Variants in GUCY1A2 observed in about 807,000 individuals in gnomAD.
GUCY1A2 encodes the protein guanylate cyclase 1 soluble subunit alpha 2.
In GUCY1A2, 27 loss-of-function variants were observed where a neutral mutation model predicts 63.5. The observed-to-expected ratio is 0.43, with a 90% CI of 0.31 to 0.59. The LOEUF is 0.59. Among genes scored for constraint, GUCY1A2 ranks in the 20% least tolerant of loss-of-function variants. The pLI is 0.11. For missense variants in GUCY1A2, 768 were observed against 913.3 expected, an observed-to-expected ratio of 0.84 and a Z score of 2.05; for synonymous variants, 364 against 343.5, an observed-to-expected ratio of 1.06 and a Z score of -0.66.
At chr11:106,923,358 G>T (rs1212219822) in intron 4 of GUCY1A2, among the ~76,000 whole-genome samples, 1 of 152,110 alleles carries the variant, frequency 6.6e-6, no homozygotes, top group East Asian at 1.9e-4. Flanking sequence ...CTAAACACTT[G>T]CTGTATGCAA....
At position 106,992,521 on chromosome 11, in the gene GUCY1A2, G is replaced by A. The variant is rs528700070; in HGVS notation, c.304-6390C>T. 5.3e-5 allele frequency among the ~76,000 whole-genome samples: 8 copies of A among 151,650 alleles called. No individual in the cohort carries two copies. In the South Asian group the frequency reaches 1.0e-3, roughly 20 times the overall value. On this transcript the variant is annotated intron_variant, in intron 1 of 7. Transcript: ENST00000526355. Reference sequence around the variant, plus strand: ...ATTTTTTTGTATTTTTAGTACAGACGGGGTTTCACCATGTTGGCCAGGATG... The same window carrying A: ...ATTTTTTTGTATTTTTAGTACAGACAGGGTTTCACCATGTTGGCCAGGATG...
chr11:106,715,759 C>T (rs1863202732), intron 6 of GUCY1A2, among the ~76,000 whole-genome samples: 1 of 152,126 alleles, frequency 6.6e-6, no homozygotes, highest in African/African-American at 2.4e-5. Context: ...TATTGATTGC[C>T]TCATCTAAAA....
intron 4 of GUCY1A2, among the ~76,000 whole-genome samples, chr11:106,817,061 T>C (rs1397258872): frequency 2.0e-5 from 3 of 151,988 alleles, no homozygotes; most frequent in Admixed American, 1.3e-4. Flanking sequence ...TTCCAGAAAA[T>C]AAAAGGGGAA....
At chr11:106,818,952 AG>A (rs1390317491) in intron 4 of GUCY1A2, among the ~76,000 whole-genome samples, 33 of 152,262 alleles carry the variant, frequency 2.2e-4, no homozygotes, top group African/African-American at 7.9e-4. Context: ...TGAAGGTAGC[AG>A]AGGATGGTTC....
Position 107,017,882 on chromosome 11 carries a change from G to A in GUCY1A2, c.174C>T (p.Ala58=), listed in dbSNP as rs3107973. 0.35 allele frequency: 439,942 copies of A among 1,249,090 alleles called. 80,250 individuals are homozygous for A. The highest frequency in any genetic ancestry group is 0.41 in the South Asian group (10,956 of 26,870). 77.4% of individuals were successfully genotyped at this position (1,249,090 alleles called of 1,614,324 possible). The change falls in exon 1 of 8, where the codon GCC becomes GCT. Residue 58 remains alanine (A), a synonymous_variant. Coordinates refer to ENST00000526355, the MANE Select transcript of GUCY1A2 (RefSeq NM_000855.3). The part of the protein sequence containing the change: ...PSPAAAAAAA[A]PAPTPAASAA... ...CAGAAGCAGCCGGGGTCGGGGCCGG[G>A]GCGGCGGCAGCGGCAGCTGCGGCCG...
chr11:106,905,943 C>A (rs1276639734), intron 4 of GUCY1A2, among the ~76,000 whole-genome samples: 3 of 152,094 alleles, frequency 2.0e-5, no homozygotes, highest in Admixed American at 6.6e-5. Flanking sequence ...AAAATTAACT[C>A]AAGATGGATT....
At chr11:106,815,087 T>C (rs1034969111) in intron 4 of GUCY1A2, among the ~76,000 whole-genome samples, 1 of 151,880 alleles carries the variant, frequency 6.6e-6, no homozygotes, top group Non-Finnish European at 1.5e-5. Flanking sequence ...AGTAAAGCAA[T>C]AGAAATATAA....
intron 4 of GUCY1A2, among the ~76,000 whole-genome samples, chr11:106,872,707 G>C (rs1859696215): frequency 6.6e-6 from 1 of 152,210 alleles, no homozygotes; most frequent in Non-Finnish European, 1.5e-5. Context: ...TAAGCATGCT[G>C]TCTGGATGAC....
At chr11:106,718,593 T>C (rs1428265485) in intron 6 of GUCY1A2, among the ~76,000 whole-genome samples, 1 of 152,170 alleles carries the variant, frequency 6.6e-6, no homozygotes, top group Non-Finnish European at 1.5e-5. Flanking sequence ...TATTAAGGCC[T>C]ATAAGCTGAA....
intron 3 of GUCY1A2, among the ~76,000 whole-genome samples, chr11:106,975,357 C>A (rs774398899): frequency 3.3e-5 from 5 of 152,162 alleles, no homozygotes; most frequent in Non-Finnish European, 5.9e-5. Context: ...AGCATAAACA[C>A]ATTTCTACTA....
intron 3 of GUCY1A2, among the ~76,000 whole-genome samples, chr11:106,953,653 C>CT (rs958366029): frequency 5.0e-4 from 72 of 145,202 alleles, no homozygotes; most frequent in South Asian, 2.6e-3. Context: ...CTGGTCCTTG[C>CT]TTTTTTTTTT....
chr11:106,709,335 TA>T (rs1427367309), intron 6 of GUCY1A2, among the ~76,000 whole-genome samples: 7 of 87,774 alleles, frequency 8.0e-5, no homozygotes, highest in Non-Finnish European at 1.4e-4. Context: ...ATTATATAAA[TA>T]TATATAAATT....
intron 3 of GUCY1A2, among the ~76,000 whole-genome samples, chr11:106,968,502 A>G (rs1016086531): frequency 1.4e-4 from 21 of 152,312 alleles, no homozygotes; most frequent in Non-Finnish European, 1.6e-4. Context: ...AATCCTGACC[A>G]TTATGTAGGA....
chr11:107,011,640 A>G (rs1256411394), intron 1 of GUCY1A2, among the ~76,000 whole-genome samples: 1 of 147,482 alleles, frequency 6.8e-6, no homozygotes, highest in African/African-American at 2.5e-5. Flanking sequence ...ATATAATACT[A>G]TAATATATAG....
chr11:106,905,244 A>C (rs1860188126), intron 4 of GUCY1A2, among the ~76,000 whole-genome samples: 1 of 152,156 alleles, frequency 6.6e-6, no homozygotes, highest in Non-Finnish European at 1.5e-5. Context: ...TCATAATTCT[A>C]TCTCCCAGAG....
intron 4 of GUCY1A2, among the ~76,000 whole-genome samples, chr11:106,812,018 T>C (rs1335728847): frequency 6.6e-6 from 1 of 151,954 alleles, no homozygotes; most frequent in African/African-American, 2.4e-5. Context: ...AAGAAAATAA[T>C]TGTCCTGTAA....
At chr11:106,975,896 T>C (rs1475699924) in intron 3 of GUCY1A2, among the ~76,000 whole-genome samples, 1 of 152,104 alleles carries the variant, frequency 6.6e-6, no homozygotes, top group Non-Finnish European at 1.5e-5. Context: ...CTCGTTTTTA[T>C]TCCATGCCAC....
At position 106,680,900 on chromosome 11, in the gene GUCY1A2, G is replaced by C. The variant is rs1284359025; in HGVS notation, c.*6649C>G. 4.9e-6 allele frequency: 1 copy of C among 203,234 alleles called. No individual in the cohort carries two copies. Among genetic ancestry groups the C allele is most frequent in the East Asian group, 7.5e-5 (1 of 13,342 alleles). 12.6% of individuals were successfully genotyped at this position (203,234 alleles called of 1,614,324 possible). On this transcript the variant is annotated 3_prime_UTR_variant, in exon 8 of 8. Coordinates refer to ENST00000526355, the MANE Select transcript of GUCY1A2 (RefSeq NM_000855.3). ...TTAGATGCTTAGGAATGAATCCTAAGCTTATATGCTAAATCATAATCTGAT... is the reference window on the plus strand; with the variant it reads ...TTAGATGCTTAGGAATGAATCCTAACCTTATATGCTAAATCATAATCTGAT...
chr11:106,944,027 T>C (rs1418011035), intron 3 of GUCY1A2, among the ~76,000 whole-genome samples: 4 of 151,156 alleles, frequency 2.6e-5, no homozygotes, highest in African/African-American at 9.7e-5. Context: ...CCCAACATGG[T>C]GAAACCCCAT....
Sources: allele counts gnomAD v4.1 joint callset (sites outside exome capture counted in the v4.1 genomes callset), GRCh38; gene constraint gnomAD v4.1.1; transcripts MANE v1.5; gene names NCBI Gene and HGNC (gene_info 2026-07-23, HGNC 2026-07-21).